The following MYO1E variants were observed in gnomAD, a reference collection of about 807,000 sequenced individuals.
MYO1E encodes the protein myosin IE.
Under a neutral mutation model 151.1 loss-of-function variants are expected in MYO1E, and 68 were observed. The observed-to-expected ratio is 0.45, with a 90% CI of 0.37 to 0.55. The LOEUF (loss-of-function observed/expected upper bound fraction) is 0.55, where lower values mean the gene tolerates loss of function less well. MYO1E is among the 20% of genes least tolerant of loss of function. The pLI is 0.00. For synonymous variants in MYO1E, 601 were observed against 501.7 expected, an observed-to-expected ratio of 1.20 and a Z score of -2.64; for missense variants, 1,363 against 1,389.3, an observed-to-expected ratio of 0.98 and a Z score of 0.30.
chr15:59,307,245 C>G (rs2080519948), intron 1 of MYO1E, among the ~76,000 whole-genome samples: 1 of 152,230 alleles, frequency 6.6e-6, no homozygotes, highest in Non-Finnish European at 1.5e-5. Context: ...CATTGGAACT[C>G]TCCGGGCATC....
At chr15:59,316,675 T>G (rs1596414214) in intron 1 of MYO1E, among the ~76,000 whole-genome samples, 1 of 152,204 alleles carries the variant, frequency 6.6e-6, no homozygotes, top group Non-Finnish European at 1.5e-5. Flanking sequence ...ATTATAAAAT[T>G]TATCTTGTCA....
At chr15:59,211,505 G>A (rs1246035525) in intron 12 of MYO1E, among the ~76,000 whole-genome samples, 1 of 152,026 alleles carries the variant, frequency 6.6e-6, no homozygotes, top group Non-Finnish European at 1.5e-5. Flanking sequence ...ACAGGCTAAT[G>A]ACCCCTGAAT....
At chr15:59,166,695 A>C (rs2079564410) in intron 22 of MYO1E, among the ~76,000 whole-genome samples, 1 of 152,140 alleles carries the variant, frequency 6.6e-6, no homozygotes, top group Non-Finnish European at 1.5e-5. Context: ...GAAGAAAATA[A>C]ACCTTGCCCA....
intron 1 of MYO1E, among the ~76,000 whole-genome samples, chr15:59,304,139 C>T (rs1224542287): frequency 3.3e-5 from 5 of 152,136 alleles, no homozygotes; most frequent in East Asian, 1.9e-4. Context: ...CACACCGCCA[C>T]GCCTAGCTAA....
At chr15:59,224,605 T>C in intron 8 of MYO1E, 84 bp downstream of exon 8, 1 of 1,564,426 alleles carries the variant, frequency 6.4e-7, no homozygotes, top group South Asian at 1.1e-5. Flanking sequence ...AGCTCTTTGC[T>C]TTATTAACCT....
intron 1 of MYO1E, among the ~76,000 whole-genome samples, chr15:59,322,868 A>C (rs1269135583): frequency 3.3e-5 from 5 of 152,170 alleles, no homozygotes; most frequent in African/African-American, 1.2e-4. Context: ...TATATAAGAA[A>C]TGGTGCTTTC....
At chr15:59,324,455 A>C (rs2080649767) in intron 1 of MYO1E, among the ~76,000 whole-genome samples, 1 of 152,218 alleles carries the variant, frequency 6.6e-6, no homozygotes, top group African/African-American at 2.4e-5. Context: ...AAAGAAAAAA[A>C]TCAGGCTGTC....
intron 1 of MYO1E, among the ~76,000 whole-genome samples, chr15:59,366,376 A>G (rs1416729442): frequency 6.8e-6 from 1 of 148,028 alleles, no homozygotes; most frequent in Non-Finnish European, 1.5e-5. Context: ...GCATACTTGA[A>G]CTCCTCAGTT....
chr15:59,218,145 T>A, intron 9 of MYO1E, 58 bp from the exon 10 acceptor site: 1 of 1,593,914 alleles, frequency 6.3e-7, no homozygotes, highest in Non-Finnish European at 8.6e-7. Flanking sequence ...TTCCAAGTCA[T>A]CTCACAAACA....
intron 4 of MYO1E, among the ~76,000 whole-genome samples, chr15:59,239,679 A>T (rs2080088620): frequency 6.6e-6 from 1 of 152,234 alleles, no homozygotes; most frequent in Admixed American, 6.5e-5. Flanking sequence ...TTCCAAAAAT[A>T]GGATATCTGC....
At chr15:59,364,317 A>G (rs2080901283) in intron 1 of MYO1E, among the ~76,000 whole-genome samples, 1 of 152,188 alleles carries the variant, frequency 6.6e-6, no homozygotes, top group African/African-American at 2.4e-5. Context: ...AATGTGGAGT[A>G]TGCATCCCAA....
intron 1 of MYO1E, among the ~76,000 whole-genome samples, chr15:59,291,368 A>G (rs1699110606): frequency 6.6e-6 from 1 of 152,186 alleles, no homozygotes; most frequent in African/African-American, 2.4e-5. Context: ...ACTACATGTC[A>G]ATTCAAGTTC....
chr15:59,154,615 T>G (rs1055141613), intron 25 of MYO1E, among the ~76,000 whole-genome samples: 2 of 152,280 alleles, frequency 1.3e-5, no homozygotes, highest in African/African-American at 4.8e-5. Flanking sequence ...TCCAACCAAA[T>G]TAAGAGAACT....
chr15:59,220,927 A>T (rs1446422306), intron 9 of MYO1E, among the ~76,000 whole-genome samples: 3 of 5,164 alleles, frequency 5.8e-4, no homozygotes, highest in African/African-American at 6.3e-4. Flanking sequence ...CCATCTCTTA[A>T]AAAAAAAAAA....
At chr15:59,156,470 C>A (rs573948010) in intron 25 of MYO1E, among the ~76,000 whole-genome samples, 36 of 152,228 alleles carry the variant, frequency 2.4e-4, no homozygotes, top group Non-Finnish European at 4.3e-4. Flanking sequence ...TAGGCATGAG[C>A]CACTGCGCCT....
chr15:59,179,808 T>TA (rs2079647633), intron 18 of MYO1E, among the ~76,000 whole-genome samples: 1 of 152,248 alleles, frequency 6.6e-6, no homozygotes, highest in Admixed American at 6.5e-5. Context: ...CAGAGGCTGA[T>TA]ATAATCAAGG....
intron 6 of MYO1E, among the ~76,000 whole-genome samples, chr15:59,230,574 T>A (rs1268355106): frequency 6.6e-6 from 1 of 152,190 alleles, no homozygotes; most frequent in Non-Finnish European, 1.5e-5. Context: ...TCCTATTTTA[T>A]TATCTGGAAA....
intron 1 of MYO1E, among the ~76,000 whole-genome samples, chr15:59,285,278 G>A (rs1423876426): frequency 1.3e-5 from 2 of 151,716 alleles, no homozygotes; most frequent in Non-Finnish European, 2.9e-5. Context: ...CATCTCAGTG[G>A]AGGCTGAGAC....
rs150781612 is a variant in MYO1E at position 59,345,253 on chromosome 15, G to GA, written c.3+27244dup. Among the ~76,000 whole-genome samples the GA allele has an allele frequency of 3.7e-3, 516 of 139,488 alleles. 5 individuals are homozygous for GA. The highest frequency in any genetic ancestry group is 9.7e-3 in the African/African-American group (378 of 38,804). The allele number at this position is 139,488 out of a possible 152,430, so 91.5% of individuals were successfully genotyped here. On this transcript the variant is annotated intron_variant, in intron 1 of 27. Transcript: ENST00000288235. The stretch of plus-strand genomic sequence containing the variant: ...TTGAAGTATTTAAATGAGAGAGAGA[G>GA]AAAAAAAAAAAACCTAAGCAAAGTG...
Sources: allele counts gnomAD v4.1 joint callset (sites outside exome capture counted in the v4.1 genomes callset), GRCh38; gene constraint gnomAD v4.1.1; transcripts MANE v1.5; gene names NCBI Gene and HGNC (gene_info 2026-07-23, HGNC 2026-07-21).